ATRNL1: variants seen among roughly 807,000 people sequenced by gnomAD.
ATRNL1 encodes attractin like 1.
In ATRNL1, 95 loss-of-function variants were observed where a neutral mutation model predicts 182.7. That is an observed-to-expected ratio of 0.52 (90% CI 0.44 to 0.62). ATRNL1 has a LOEUF of 0.62. Among genes scored for constraint, ATRNL1 ranks in the 20% least tolerant of loss-of-function variants. ATRNL1 has a pLI of 0.00. For missense variants in ATRNL1, 1,471 were observed against 1,679.5 expected, an observed-to-expected ratio of 0.88 and a Z score of 2.17; for synonymous variants, 576 against 568.3, an observed-to-expected ratio of 1.01 and a Z score of -0.19.
intron 10 of ATRNL1, among the ~76,000 whole-genome samples, chr10:115,259,164 A>T (rs1266284617): frequency 6.6e-6 from 1 of 152,222 alleles, no homozygotes; most frequent in Non-Finnish European, 1.5e-5. Context: ...GCTGTCAGAC[A>T]GGGACTTTTA....
intron 19 of ATRNL1, among the ~76,000 whole-genome samples, chr10:115,338,787 C>A (rs1214563146): frequency 6.6e-6 from 1 of 152,146 alleles, no homozygotes; most frequent in Admixed American, 6.5e-5. Flanking sequence ...GGGTATTGTC[C>A]AAGAAATTTT....
At chr10:115,305,805 A>G (rs1276896920) in intron 17 of ATRNL1, among the ~76,000 whole-genome samples, 3 of 152,166 alleles carry the variant, frequency 2.0e-5, no homozygotes, top group African/African-American at 7.2e-5. Context: ...GTATTCTCAA[A>G]AATGTCAGCT....
intron 20 of ATRNL1, among the ~76,000 whole-genome samples, chr10:115,402,131 C>T (rs1403209702): frequency 6.6e-6 from 1 of 151,968 alleles, no homozygotes; most frequent in African/African-American, 2.4e-5. Flanking sequence ...GGTATATTTT[C>T]AATTTACATG....
chr10:115,926,215 A>G (rs570251768), intron 28 of ATRNL1, among the ~76,000 whole-genome samples: 1 of 152,334 alleles, frequency 6.6e-6, no homozygotes, highest in Non-Finnish European at 1.5e-5. Flanking sequence ...ACCAATGAGA[A>G]CAAAGAGACA....
intron 27 of ATRNL1, among the ~76,000 whole-genome samples, chr10:115,757,541 T>G (rs1263718981): frequency 6.6e-6 from 1 of 152,208 alleles, no homozygotes; most frequent in Non-Finnish European, 1.5e-5. Flanking sequence ...GTTAGTCTGA[T>G]GGGCTTCCCT....
At chr10:115,452,993 GTCTA>G (rs1186952095) in intron 21 of ATRNL1, among the ~76,000 whole-genome samples, 3 of 152,016 alleles carry the variant, frequency 2.0e-5, no homozygotes, top group African/African-American at 4.8e-5. Flanking sequence ...TGTTCTCCAG[GTCTA>G]TCTATGTTGT....
intron 27 of ATRNL1, among the ~76,000 whole-genome samples, chr10:115,792,287 T>A (rs782361669): frequency 5.0e-4 from 76 of 152,246 alleles, no homozygotes; most frequent in Non-Finnish European, 1.0e-3. Context: ...ACCTTTCTTT[T>A]GTACGCTACA....
At chr10:115,680,155 G>A (rs1207822778) in intron 26 of ATRNL1, among the ~76,000 whole-genome samples, 1 of 152,096 alleles carries the variant, frequency 6.6e-6, no homozygotes, top group Non-Finnish European at 1.5e-5. Flanking sequence ...CCAATTTCTG[G>A]ACTAGTCTAG....
At chr10:115,302,587 G>A (rs1243642638) in intron 17 of ATRNL1, among the ~76,000 whole-genome samples, 1 of 152,136 alleles carries the variant, frequency 6.6e-6, no homozygotes, top group Non-Finnish European at 1.5e-5. Flanking sequence ...AAATCACATA[G>A]AGTTATGTCA....
chr10:115,549,655 A>C, intron 26 of ATRNL1, 119 bp downstream of exon 26: 1 of 572,398 alleles, frequency 1.7e-6, no homozygotes, highest in South Asian at 4.6e-5. Flanking sequence ...TTTACATACT[A>C]ATATTCAAAA....
In ATRNL1 at chr10:115,403,257, C is replaced by CTTTTTTTTTTTTTTT. The variant is rs59256867; in HGVS notation, c.3269+8510_3269+8524dup. On this transcript the variant is annotated intron_variant, in intron 20 of 28. Coordinates refer to ENST00000355044, the MANE Select transcript of ATRNL1 (RefSeq NM_207303.4). ...CTTTATTTTTCCTAATTACTCTCAT[C>CTTTTTTTTTTTTTTT]TTTTTTTTTTTTTTTTTTTAGTCTG... Among the ~76,000 whole-genome samples the CTTTTTTTTTTTTTTT allele has an allele frequency of 3.2e-3, 340 of 107,372 alleles. 32 individuals are homozygous for CTTTTTTTTTTTTTTT. The highest frequency in any genetic ancestry group is 0.016 in the African/African-American group (321 of 20,332). 70.4% of individuals were successfully genotyped at this position (107,372 alleles called of 152,430 possible). A position where few individuals can be genotyped will look rare whatever the true frequency, so the allele number is the denominator to read the frequency against.
At chr10:115,588,220 C>G (rs1474492383) in intron 26 of ATRNL1, among the ~76,000 whole-genome samples, 1 of 152,164 alleles carries the variant, frequency 6.6e-6, no homozygotes, top group Non-Finnish European at 1.5e-5. Flanking sequence ...TCATCCCTCT[C>G]TCACCCCCAA....
chr10:115,416,805 A>G (rs1338150920), intron 20 of ATRNL1, among the ~76,000 whole-genome samples: 2 of 152,248 alleles, frequency 1.3e-5, no homozygotes, highest in East Asian at 1.9e-4. Flanking sequence ...TTAACAAAAA[A>G]GAAAATGTTA....
intron 20 of ATRNL1, among the ~76,000 whole-genome samples, chr10:115,418,175 A>G (rs1158521181): frequency 6.6e-6 from 1 of 152,228 alleles, no homozygotes; most frequent in South Asian, 2.1e-4. Flanking sequence ...CTGAAGCTCA[A>G]ACTTCAGTAA....
chr10:115,737,493 G>A (rs1357394232), intron 27 of ATRNL1, among the ~76,000 whole-genome samples: 1 of 151,822 alleles, frequency 6.6e-6, no homozygotes, highest in Non-Finnish European at 1.5e-5. Context: ...AAGTGGGAAG[G>A]CCCTACTTAC....
chr10:115,207,445 A>T (rs1244401141), intron 8 of ATRNL1, among the ~76,000 whole-genome samples: 1 of 152,032 alleles, frequency 6.6e-6, no homozygotes, highest in African/African-American at 2.4e-5. Context: ...ACCAGTGAGG[A>T]TAAACATTTT....
intron 25 of ATRNL1, among the ~76,000 whole-genome samples, chr10:115,544,456 G>A (rs1199556710): frequency 6.6e-6 from 1 of 152,156 alleles, no homozygotes; most frequent in African/African-American, 2.4e-5. Flanking sequence ...TTCTAGAGCA[G>A]CCTCAGGAAG....
At chr10:115,388,725 T>C (rs1042039870) in intron 19 of ATRNL1, among the ~76,000 whole-genome samples, 9 of 152,078 alleles carry the variant, frequency 5.9e-5, no homozygotes, top group Non-Finnish European at 1.2e-4. Flanking sequence ...TCTCTGCTCT[T>C]TAATTAAAAA....
At chr10:115,866,817 T>G (rs536050609) in intron 28 of ATRNL1, among the ~76,000 whole-genome samples, 1 of 152,322 alleles carries the variant, frequency 6.6e-6, no homozygotes, top group East Asian at 1.9e-4. Flanking sequence ...TCAAACATGA[T>G]TTTTATCTTT....
Sources: gnomAD v4.1 joint callset for allele counts (sites outside exome capture counted in the v4.1 genomes callset) on GRCh38, gnomAD v4.1.1 for gene constraint, MANE v1.5 for transcripts, NCBI Gene and HGNC (gene_info 2026-07-23, HGNC 2026-07-21) for gene names.